Variants in POM121L2 observed in about 807,000 individuals in gnomAD.
POM121L2 encodes the protein POM121-like protein 2.
For missense variants in POM121L2, 1,167 were observed against 1,260.3 expected, an observed-to-expected ratio of 0.93 and a Z score of 1.12; for synonymous variants, 459 against 483.8, an observed-to-expected ratio of 0.95 and a Z score of 0.67.
Position 27,311,937 on chromosome 6 carries a change from G to A in POM121L2, c.234C>T (p.Arg78=). The A allele has an allele frequency of 6.4e-7, 1 of 1,551,726 alleles. No individual in the cohort carries two copies. Among genetic ancestry groups the A allele is most frequent in the East Asian group, 2.4e-5 (1 of 40,910 alleles). The change falls in exon 1 of 1, where the codon CGC becomes CGT. Residue 78 remains arginine, a synonymous_variant. Transcript: ENST00000444565. ...TTWLANEAWR[R]FPMKKSQNSP... ...AATTCTGGGACTTCTTCATGGGAAA[G>A]CGCCTCCAGGCCTCGTTGGCCAGCC...
rs1024431865 is a variant in POM121L2 at position 27,310,539 on chromosome 6, G to T, written c.1632C>A (p.Ser544Arg). ...LKPILGPLHN[S>R]EIGSSSYSRI... ...TGGAATATGAGGAGCTTCCAATCTCGCTGTTGTGCAGGGGCCCCAAAATCG... is the reference window on the plus strand; with the variant it reads ...TGGAATATGAGGAGCTTCCAATCTCTCTGTTGTGCAGGGGCCCCAAAATCG... Residue 544 changes from serine (S) to arginine (R), a missense_variant, in exon 1 of 1, where the codon AGC (serine) becomes AGA (arginine). Coordinates refer to ENST00000444565, the MANE Select transcript of POM121L2 (RefSeq NM_033482.4). The T allele has an allele frequency of 6.4e-7, 1 of 1,552,090 alleles. No individual in the cohort carries two copies. Among genetic ancestry groups the T allele is most frequent in the African/African-American group, 1.4e-5 (1 of 73,022 alleles).
rs1760729811 is a variant in POM121L2, at chr6:27,310,485, T to G, written c.1686A>C (p.Ser562=). ...SRISVTAAAS[S]ISSLSTIQGT... The stretch of plus-strand genomic sequence containing the variant: ...CCTGAATTGTGGAAAGGGAAGAGAT[T>G]GAAGATGCTGCAGCTGTGACTGAAA... Residue 562 remains serine, a synonymous_variant, in exon 1 of 1, where the codon TCA becomes TCC. Coordinates refer to ENST00000444565, the MANE Select transcript of POM121L2 (RefSeq NM_033482.4). 1 of 1,552,150 alleles carries G rather than the reference T, an allele frequency of 6.4e-7. No homozygotes were observed. The highest frequency in any genetic ancestry group is 8.7e-7 in the Non-Finnish European group (1 of 1,147,106).
rs546437707 is a variant in POM121L2 at position 27,312,200 on chromosome 6, C to G, written c.-30G>C. The G allele has an allele frequency of 6.2e-5, 85 of 1,367,218 alleles. No individual in the cohort carries two copies. The African/African-American group carries it at 1.2e-3, about 19-fold the overall frequency. The allele number at this position is 1,367,218 out of a possible 1,614,324, so 84.7% of individuals were successfully genotyped here. Reference sequence around the variant, plus strand: ...AGAGATGAGGCGCGGGCAGTGAGTTCAAGCACGGTTTTGGCTTCCGAGGTT... The same window carrying G: ...AGAGATGAGGCGCGGGCAGTGAGTTGAAGCACGGTTTTGGCTTCCGAGGTT... On this transcript the variant is annotated 5_prime_UTR_variant, in exon 1 of 1. Coordinates refer to ENST00000444565, the MANE Select transcript of POM121L2 (RefSeq NM_033482.4). This position sits in a 1 kb window ranked among gnomAD's most constrained non-coding sequence, Gnocchi z 6.7.
At position 27,310,604 on chromosome 6, in the gene POM121L2, C is replaced by T. The variant is rs1219746190; in HGVS notation, c.1567G>A (p.Ala523Thr). 4 of 1,551,906 alleles carry T rather than the reference C, an allele frequency of 2.6e-6. No homozygotes were observed. Among genetic ancestry groups the T allele is most frequent in the African/African-American group, 1.4e-5 (1 of 73,122 alleles). Residue 523 changes from alanine to threonine, a missense_variant, in exon 1 of 1, where the codon GCA becomes ACA. By Grantham distance (58) the Ala-to-Thr change is moderately conservative. Transcript: ENST00000444565. ...SSPTSHLSASAPPDATSAHLM... is the reference protein window; with the variant it reads ...SSPTSHLSASTPPDATSAHLM... Reference sequence around the variant, plus strand: ...TGAGCAGAAGTTGCATCAGGAGGTGCAGATGCAGAAAGATGGGATGTTGGG... The same window carrying T: ...TGAGCAGAAGTTGCATCAGGAGGTGTAGATGCAGAAAGATGGGATGTTGGG...
Position 27,311,751 on chromosome 6 carries a change from G to A in POM121L2, c.420C>T (p.Ala140=). 6.4e-7 allele frequency: 1 copy of A among 1,551,792 alleles called. No homozygotes were observed. The highest frequency in any genetic ancestry group is 8.7e-7 in the Non-Finnish European group (1 of 1,147,012). Residue 140 remains alanine, a synonymous_variant, in exon 1 of 1, where the codon GCC becomes GCT. Coordinates refer to ENST00000444565, the MANE Select transcript of POM121L2 (RefSeq NM_033482.4). ...CCTCAGAGGGCGGGAGTCCTGCAAG[G>A]GCAATTACATCTTCAGGAGAAGTGG... The part of the protein sequence containing the change: ...PPSTSPEDVI[A]LAGLPPSEEL...
Position 27,311,088 on chromosome 6 carries a change from G to A in POM121L2, c.1083C>T (p.Asn361=). The stretch of plus-strand genomic sequence containing the variant: ...CCTCAGTTGTATCTTCTCCTGCGTT[G>A]TTGCTTACCTGTAGCTCAGCTTTCT... ...LGKKAELQVS[N]NAGEDTTEVN... The change falls in exon 1 of 1, where the codon AAC becomes AAT. Residue 361 remains asparagine (N), a synonymous_variant. Transcript: ENST00000444565. 2 of 1,551,904 alleles carry A rather than the reference G, an allele frequency of 1.3e-6. No individual in the cohort carries two copies. The highest frequency in any genetic ancestry group is 1.7e-6 in the Non-Finnish European group (2 of 1,147,046).
Position 27,311,851 on chromosome 6 carries a change from G to A in POM121L2, c.320C>T (p.Ser107Phe). The A allele has an allele frequency of 6.4e-7, 1 of 1,551,772 alleles. No homozygotes were observed. Among genetic ancestry groups the A allele is most frequent in the Non-Finnish European group, 8.7e-7 (1 of 1,147,014 alleles). The change falls in exon 1 of 1, where the codon TCT (serine) becomes TTT (phenylalanine). Residue 107 changes from serine (S) to phenylalanine (F), a missense_variant. Coordinates refer to ENST00000444565, the MANE Select transcript of POM121L2 (RefSeq NM_033482.4). ...CCAAATTGGCCTGGGATGTCGAAGA[G>A]ACCAAATAGTCCGCTTTAAGTAACT... The part of the protein sequence containing the change: ...WESYLKRTIW[S>F]LRHPRPIWSP...
rs41269261 is a variant in POM121L2, at chr6:27,310,400, G to A, written c.1771C>T (p.Pro591Ser). The A allele has an allele frequency of 2.6e-6, 4 of 1,552,114 alleles. No homozygotes were observed. The highest frequency in any genetic ancestry group is 3.5e-6 in the Non-Finnish European group (4 of 1,147,088). ...FGSIDPLKTT[P>S]MIAPFSSKQT... is the part of the protein sequence containing the mutation. Reference sequence around the variant, plus strand: ...TTGGAGGAGAAAGGAGCTATCATGGGCGTAGTTTTAAGTGGATCTATGCTG... The same window carrying A: ...TTGGAGGAGAAAGGAGCTATCATGGACGTAGTTTTAAGTGGATCTATGCTG... The change falls in exon 1 of 1, where the codon CCC becomes TCC. Residue 591 changes from proline (P) to serine (S), a missense_variant. Coordinates refer to ENST00000444565, the MANE Select transcript of POM121L2 (RefSeq NM_033482.4).
chr6:27,310,879 G>A lies in POM121L2; in HGVS notation c.1292C>T (p.Ala431Val). 6.4e-7 allele frequency: 1 copy of A among 1,551,728 alleles called. No homozygotes were observed. The highest frequency in any genetic ancestry group is 8.7e-7 in the Non-Finnish European group (1 of 1,146,986). The change falls in exon 1 of 1, where the codon GCC (alanine) becomes GTC (valine). Residue 431 changes from alanine to valine, a missense_variant. Physicochemically the swap from Ala to Val is moderately conservative, Grantham distance 64 (BLOSUM62 0). Coordinates refer to ENST00000444565, the MANE Select transcript of POM121L2 (RefSeq NM_033482.4). ...PQSTGEATSV[A>V]HSPLKTPSLP... ...GCTGGGTGTCTTCAAAGGAGAATGG[G>A]CCACACTGGTTGCCTCTCCCGTGGA...
In POM121L2 at chr6:27,309,435, C is replaced by T. The variant is rs1017712044; in HGVS notation, c.2736G>A (p.Met912Ile). The change falls in exon 1 of 1, where the codon ATG (methionine) becomes ATA (isoleucine). Residue 912 changes from methionine to isoleucine, a missense_variant. Met to Ile is a conservative substitution (Grantham distance 10). Coordinates refer to ENST00000444565, the MANE Select transcript of POM121L2 (RefSeq NM_033482.4). ...ESGIIMTGPD[M>I]SPTSGAFSIG... is the part of the protein sequence containing the mutation. ...TGCTGAAAGCTCCAGAGGTGGGGCTCATGTCTGGACCAGTCATTATGATCC... is the reference window on the plus strand; with the variant it reads ...TGCTGAAAGCTCCAGAGGTGGGGCTTATGTCTGGACCAGTCATTATGATCC... 2.6e-6 allele frequency: 4 copies of T among 1,551,406 alleles called. No individual in the cohort carries two copies. The highest frequency in any genetic ancestry group is 1.2e-5 in the South Asian group (1 of 83,998).
rs558208132 is a variant in POM121L2 at position 27,308,526 on chromosome 6, T to C, written c.*537A>G. Among the ~76,000 whole-genome samples the C allele has an allele frequency of 2.0e-5, 3 of 152,192 alleles. No homozygotes were observed. The South Asian group carries it at 6.2e-4, about 32-fold the overall frequency. On this transcript the variant is annotated 3_prime_UTR_variant, in exon 1 of 1. Transcript: ENST00000444565. The stretch of plus-strand genomic sequence containing the variant: ...GATTTTTAATCAGCAATAAAAGAAA[T>C]AAATTATTGATATAAGTAACAACTT...
At position 27,310,378 on chromosome 6, in the gene POM121L2, G is replaced by A. The variant is rs1378715017; in HGVS notation, c.1793C>T (p.Ser598Phe). The A allele has an allele frequency of 6.4e-7, 1 of 1,552,120 alleles. No homozygotes were observed. The highest frequency in any genetic ancestry group is 8.7e-7 in the Non-Finnish European group (1 of 1,147,082). ...AGTAAATGGAGGAGGGGTCTGCTTG[G>A]AGGAGAAAGGAGCTATCATGGGCGT... ...KTTPMIAPFSSKQTPPPFTHA... is the reference protein window; with the variant it reads ...KTTPMIAPFSFKQTPPPFTHA... Residue 598 changes from serine (S) to phenylalanine (F), a missense_variant, in exon 1 of 1, where the codon TCC becomes TTC. Transcript: ENST00000444565.
rs1243646326 is a variant in POM121L2, at chr6:27,309,702, G to A, written c.2469C>T (p.Thr823=). The A allele has an allele frequency of 3.9e-6, 6 of 1,551,620 alleles. No individual in the cohort carries two copies. The East Asian group carries it at 1.5e-4, about 38-fold the overall frequency. Residue 823 remains threonine (T), a synonymous_variant, in exon 1 of 1, where the codon ACC becomes ACT. Coordinates refer to ENST00000444565, the MANE Select transcript of POM121L2 (RefSeq NM_033482.4). Reference sequence around the variant, plus strand: ...TCAAACACCCCAAGGCTGACTGTGTGGTACTAATGAAGGCTGGCTGAGCTG... The same window carrying A: ...TCAAACACCCCAAGGCTGACTGTGTAGTACTAATGAAGGCTGGCTGAGCTG... The part of the protein sequence containing the change: ...PTPAQPAFIS[T]TQSALGCLTP...
chr6:27,311,285 A>G lies in POM121L2; in HGVS notation c.886T>C (p.Ser296Pro), dbSNP rs1041681038. ...IKKEKSCHRP[S>P]SPVPLVSDFE... ...TCTGATACCAGTGGGACTGGAGAGG[A>G]AGGCCGATGACAACTTTTTTCCTTT... Residue 296 changes from serine to proline, a missense_variant, in exon 1 of 1, where the codon TCC becomes CCC. Transcript: ENST00000444565. The G allele has an allele frequency of 3.2e-6, 5 of 1,551,578 alleles. No individual in the cohort carries two copies. The highest frequency in any genetic ancestry group is 4.4e-6 in the Non-Finnish European group (5 of 1,147,000).
Position 27,311,988 on chromosome 6 carries a change from G to A in POM121L2, c.183C>T (p.Asn61=), listed in dbSNP as rs1760753815. 3 of 1,550,028 alleles carry A rather than the reference G, an allele frequency of 1.9e-6. No individual in the cohort carries two copies. The highest frequency in any genetic ancestry group is 2.6e-6 in the Non-Finnish European group (3 of 1,146,136). ...ACGTGGTTGGATTGGCAGGATCCAGGTTTGGCCGCCTCCTCACAGGTCTAT... is the reference window on the plus strand; with the variant it reads ...ACGTGGTTGGATTGGCAGGATCCAGATTTGGCCGCCTCCTCACAGGTCTAT... ...PRYRPVRRRP[N]LDPANPTTWL... Residue 61 remains asparagine (N), a synonymous_variant, in exon 1 of 1, where the codon AAC becomes AAT. Coordinates refer to ENST00000444565, the MANE Select transcript of POM121L2 (RefSeq NM_033482.4).
rs1247651974 is a variant in POM121L2 at position 27,308,809 on chromosome 6, T to C, written c.*254A>G. On this transcript the variant is annotated 3_prime_UTR_variant, in exon 1 of 1. Coordinates refer to ENST00000444565, the MANE Select transcript of POM121L2 (RefSeq NM_033482.4). The stretch of plus-strand genomic sequence containing the variant: ...ACTGCACACCTGACACAGAGAAGAG[T>C]GGACAGGAAGGGGAAGGCGAGGTTC... Among the ~76,000 whole-genome samples the C allele has an allele frequency of 6.6e-6, 1 of 151,970 alleles. No homozygotes were observed. The highest frequency in any genetic ancestry group is 1.5e-5 in the Non-Finnish European group (1 of 67,984).
At position 27,311,373 on chromosome 6, in the gene POM121L2, G is replaced by A; in HGVS notation, c.798C>T (p.Phe266=). The part of the protein sequence containing the change: ...IGSSYSSCRN[F]SDPWKRSVPS... ...GAACACTTCTCTTCCAAGGGTCTGAGAAATTTCTGCAAGAGCTGTAAGAGC... is the reference window on the plus strand; with the variant it reads ...GAACACTTCTCTTCCAAGGGTCTGAAAAATTTCTGCAAGAGCTGTAAGAGC... Residue 266 remains phenylalanine (F), a synonymous_variant, in exon 1 of 1, where the codon TTC becomes TTT. Transcript: ENST00000444565. 6.4e-7 allele frequency: 1 copy of A among 1,551,712 alleles called. No homozygotes were observed. The highest frequency in any genetic ancestry group is 8.7e-7 in the Non-Finnish European group (1 of 1,147,012).
Position 27,310,008 on chromosome 6 carries a change from G to T in POM121L2, c.2163C>A (p.Phe721Leu), listed in dbSNP as rs759349938. 87 of 1,551,910 alleles carry T rather than the reference G, an allele frequency of 5.6e-5. No homozygotes were observed. The highest frequency in any genetic ancestry group is 7.6e-5 in the Non-Finnish European group (87 of 1,147,064). Reference protein sequence around the residue: ...QISPRSSTANFRGMGSPLPAS... With the variant: ...QISPRSSTANLRGMGSPLPAS... Reference sequence around the variant, plus strand: ...CAGGCAGAGGGCTGCCCATACCCCTGAAATTAGCAGTGCTGCTTCTAGGGG... The same window carrying T: ...CAGGCAGAGGGCTGCCCATACCCCTTAAATTAGCAGTGCTGCTTCTAGGGG... The change falls in exon 1 of 1, where the codon TTC (phenylalanine) becomes TTA (leucine). Residue 721 changes from phenylalanine (F) to leucine (L), a missense_variant. Phe to Leu is a conservative substitution (Grantham distance 22). Transcript: ENST00000444565.
chr6:27,311,921 ACTT>A lies in POM121L2; in HGVS notation c.247_249del (p.Lys83del), dbSNP rs1177056367. On this transcript the variant is annotated inframe_deletion, in exon 1 of 1. Coordinates refer to ENST00000444565, the MANE Select transcript of POM121L2 (RefSeq NM_033482.4). ...AGAGGCCCCAGGGGGGAATTCTGGG[ACTT>A]CTTCATGGGAAAGCGCCTCCAGGCC... 1.3e-6 allele frequency: 2 copies of A among 1,551,566 alleles called. No individual in the cohort carries two copies. Among genetic ancestry groups the A allele is most frequent in the Non-Finnish European group, 1.7e-6 (2 of 1,146,998 alleles).
Sources: allele counts gnomAD v4.1 joint callset (sites outside exome capture counted in the v4.1 genomes callset), GRCh38; gene constraint gnomAD v4.1.1; non-coding constraint Gnocchi (gnomAD v3.1); transcripts MANE v1.5; gene names NCBI Gene and HGNC (gene_info 2026-07-23, HGNC 2026-07-21).